GANC: variants seen among roughly 807,000 people sequenced by gnomAD.
The protein encoded by GANC is neutral alpha-glucosidase C.
Under a neutral mutation model 124.2 loss-of-function variants are expected in GANC, and 117 were observed. The ratio of observed to expected loss-of-function variants is 0.94; its 90% confidence interval spans 0.81 to 1.10. The LOEUF is 1.10. GANC is among the 50% of genes least tolerant of loss of function. GANC has a pLI of 0.00. For missense variants in GANC, 1,140 were observed against 1,095.0 expected (o/e 1.04, Z -0.58); for synonymous variants, 377 against 376.8 (o/e 1.00, Z -0.01).
At chr15:42,310,932 A>C (rs774741244) in intron 10 of GANC, 86 bp downstream of exon 10, 1 of 1,426,536 alleles carries the variant, frequency 7.0e-7, no homozygotes, top group African/African-American at 1.4e-5. Flanking sequence ...TATTTGTTGT[A>C]TACTATGTAG....
intron 1 of GANC, 142 bp from the exon 2 acceptor site, chr15:42,276,206 C>T: frequency 1.7e-6 from 1 of 592,384 alleles, no homozygotes; most frequent in Non-Finnish European, 3.1e-6. Flanking sequence ...TTATGTTATA[C>T]TGTGGCCGTG....
chr15:42,322,455 G>A (rs957439334), intron 11 of GANC, among the ~76,000 whole-genome samples: 3 of 152,170 alleles, frequency 2.0e-5, no homozygotes, highest in African/African-American at 7.2e-5. Flanking sequence ...ACTGAGAAAG[G>A]AGATTGGCTC....
At chr15:42,319,267 A>G (rs76407738) in intron 10 of GANC, among the ~76,000 whole-genome samples, 1 of 152,066 alleles carries the variant, frequency 6.6e-6, no homozygotes, top group African/African-American at 2.4e-5. Context: ...TGCTGGTAAC[A>G]TAATTTATTT....
chr15:42,306,626 T>A lies in GANC; in HGVS notation c.625+14T>A, dbSNP rs1315209743. On this transcript the variant is annotated intron_variant, in intron 7 of 23. Coordinates refer to ENST00000318010, the MANE Select transcript of GANC (RefSeq NM_198141.3). The stretch of plus-strand genomic sequence containing the variant: ...TCAAAGCTAATGGTAAAATTGAAAC[T>A]GGTATAGTATTAAAACAGATCATTC... 3 of 1,553,782 alleles carry A rather than the reference T, an allele frequency of 1.9e-6. No homozygotes were observed. In the South Asian group the frequency reaches 3.4e-5, roughly 17 times the overall value.
intron 10 of GANC, 149 bp from the exon 11 acceptor site, chr15:42,321,635 TC>T (rs2052157723): frequency 1.5e-6 from 1 of 689,062 alleles, no homozygotes. Flanking sequence ...GGTTGTCACT[TC>T]CTTAAAGGCA....
intron 2 of GANC, chr15:42,277,922 A>G: frequency 6.3e-6 from 1 of 158,666 alleles, no homozygotes. Flanking sequence ...TTTGAAAAAA[A>G]AAAAAAAAAA....
chr15:42,285,973 G>A (rs2051783347), intron 3 of GANC, among the ~76,000 whole-genome samples: 2 of 151,756 alleles, frequency 1.3e-5, no homozygotes, highest in Non-Finnish European at 2.9e-5. Flanking sequence ...CTCAGGAACA[G>A]AACATACAGA....
At chr15:42,277,726 G>T (rs1442853602) in intron 2 of GANC, among the ~76,000 whole-genome samples, 1 of 150,906 alleles carries the variant, frequency 6.6e-6, no homozygotes, top group Admixed American at 6.6e-5. Flanking sequence ...TCAGCCTCCC[G>T]ACTAGCTGGG....
At chr15:42,329,630 CTTCTT>C (rs2052226294) in intron 14 of GANC, 181 bp downstream of exon 14, 1 of 464,416 alleles carries the variant, frequency 2.2e-6, no homozygotes, top group Non-Finnish European at 3.7e-6. Context: ...TCTCCCTTTG[CTTCTT>C]TTCTTTTCAT....
intron 5 of GANC, among the ~76,000 whole-genome samples, chr15:42,297,101 G>A (rs1271370987): frequency 1.3e-5 from 2 of 152,124 alleles, no homozygotes; most frequent in Non-Finnish European, 2.9e-5. Flanking sequence ...GTACATTATA[G>A]TGCTGTGTTC....
At chr15:42,299,964 C>G (rs1196206764) in intron 6 of GANC, among the ~76,000 whole-genome samples, 3 of 152,142 alleles carry the variant, frequency 2.0e-5, no homozygotes, top group African/African-American at 7.2e-5. Flanking sequence ...AAAATTAACT[C>G]AAGATGAATT....
At chr15:42,343,007 CAGTTAA>C in intron 18 of GANC, 65 bp from the exon 19 acceptor site, 1 of 1,263,814 alleles carries the variant, frequency 7.9e-7, no homozygotes. Context: ...AGCTAGCACT[CAGTTAA>C]AGAGAAAGGA....
intron 15 of GANC, among the ~76,000 whole-genome samples, chr15:42,337,529 G>A (rs1395075067): frequency 1.3e-5 from 2 of 152,072 alleles, no homozygotes; most frequent in Non-Finnish European, 2.9e-5. Flanking sequence ...GACACATAGA[G>A]GGGAACAACA....
At chr15:42,337,172 A>T (rs929128056) in intron 15 of GANC, among the ~76,000 whole-genome samples, 3 of 152,188 alleles carry the variant, frequency 2.0e-5, no homozygotes, top group African/African-American at 7.2e-5. Flanking sequence ...TGTCATAAAG[A>T]CACATGCGCG....
chr15:42,326,371 G>A lies in GANC; in HGVS notation c.1367G>A (p.Gly456Asp). 6.2e-7 allele frequency: 1 copy of A among 1,614,098 alleles called. No individual in the cohort carries two copies. The highest frequency in any genetic ancestry group is 2.2e-5 in the East Asian group (1 of 44,864). Residue 456 changes from glycine to aspartate, a missense_variant, in exon 12 of 24, where the codon GGC becomes GAC. By Grantham distance (94) the Gly-to-Asp change is moderately conservative. Coordinates refer to ENST00000318010, the MANE Select transcript of GANC (RefSeq NM_198141.3). ...YSVYVKAKDQ[G>D]FFVKNQEGED... ...GTATATGTGAAGGCCAAAGATCAGG[G>A]CTTCTTTGTGAAGAATCAGGAAGGG...
Position 42,294,909 on chromosome 15 carries a change from A to C in GANC, c.512+1992A>C, listed in dbSNP as rs577865864. 2.0e-5 allele frequency among the ~76,000 whole-genome samples: 3 copies of C among 151,128 alleles called. No individual in the cohort carries two copies. The South Asian group carries it at 6.2e-4, about 31-fold the overall frequency. Reference sequence around the variant, plus strand: ...ATATGTGTCATTGTGCATATATACAAGTATATTTATAGTATAGAGTCATAA... The same window carrying C: ...ATATGTGTCATTGTGCATATATACACGTATATTTATAGTATAGAGTCATAA... On this transcript the variant is annotated intron_variant, in intron 5 of 23. Transcript: ENST00000318010.
At chr15:42,335,030 CCAGATG>C (rs1403577319) in intron 15 of GANC, among the ~76,000 whole-genome samples, 1 of 152,082 alleles carries the variant, frequency 6.6e-6, no homozygotes, top group East Asian at 1.9e-4. Flanking sequence ...CCCAGTTTTA[CCAGATG>C]TACAAAGGAG....
In GANC at chr15:42,278,515, C is replaced by G. The variant is rs1335891560; in HGVS notation, c.126C>G (p.Thr42=). 6.2e-7 allele frequency: 1 copy of G among 1,611,996 alleles called. No individual in the cohort carries two copies. Among genetic ancestry groups the G allele is most frequent in the South Asian group, 1.1e-5 (1 of 90,724 alleles). ...RQKQWLSKKS[T]YQALLDSVTT... ...AACAGTGGCTTTCCAAGAAGTCCAC[C>G]TATCAGGCATTATTGGATTCAGTCA... Residue 42 remains threonine (T), a synonymous_variant, in exon 3 of 24, where the codon ACC becomes ACG. Transcript: ENST00000318010.
intron 3 of GANC, chr15:42,280,822 C>A (rs1289444115): frequency 1.6e-6 from 1 of 634,366 alleles, no homozygotes; most frequent in Admixed American, 2.6e-5. Context: ...AGCGTGATAC[C>A]AGTTTGCGGT....
Sources: gnomAD v4.1 joint callset for allele counts (sites outside exome capture counted in the v4.1 genomes callset) on GRCh38, gnomAD v4.1.1 for gene constraint, MANE v1.5 for transcripts, NCBI Gene and HGNC (gene_info 2026-07-23, HGNC 2026-07-21) for gene names.